NUSAP1: variants seen among roughly 807,000 people sequenced by gnomAD.
The protein encoded by NUSAP1 is nucleolar and spindle-associated protein 1.
Under a neutral mutation model 52.8 loss-of-function variants are expected in NUSAP1, and 32 were observed. That is an observed-to-expected ratio of 0.61 (90% CI 0.46 to 0.81). The LOEUF (loss-of-function observed/expected upper bound fraction) is 0.81. Among genes scored for constraint, NUSAP1 ranks in the 40% least tolerant of loss-of-function variants. The pLI is 0.00. For synonymous variants in NUSAP1, 195 were observed against 183.1 expected (o/e 1.06, Z -0.52); for missense variants, 499 against 522.3 (o/e 0.96, Z 0.43).
chr15:41,335,934 A>C (rs2048110626), intron 1 of NUSAP1, among the ~76,000 whole-genome samples: 1 of 150,556 alleles, frequency 6.6e-6, no homozygotes, highest in Admixed American at 6.6e-5. Context: ...TTTTAATCAA[A>C]TCTTGATAAT....
In NUSAP1 at chr15:41,375,699, G is replaced by T. The variant is rs758101452; in HGVS notation, c.1007-13G>T. On this transcript the variant is annotated splice_polypyrimidine_tract_variant and intron_variant, in intron 8 of 10. Transcript: ENST00000559596. ...TCTAATTAAGCTCTTGGGTTTTTTC[G>T]GTGTGTTTTTAGTTATTACCCCATT... 1.3e-6 allele frequency: 2 copies of T among 1,528,902 alleles called. No individual in the cohort carries two copies. Among genetic ancestry groups the T allele is most frequent in the East Asian group, 2.2e-5 (1 of 44,456 alleles). The allele number at this position is 1,528,902 out of a possible 1,614,324, so 94.7% of individuals were successfully genotyped here. A position where few individuals can be genotyped will look rare whatever the true frequency, so the allele number is the denominator to read the frequency against.
chr15:41,351,379 C>T (rs904332492), intron 4 of NUSAP1, among the ~76,000 whole-genome samples: 3 of 152,146 alleles, frequency 2.0e-5, no homozygotes. Flanking sequence ...TGGCTGTCGA[C>T]GCTTGGTGTT....
rs147240503 is a variant in NUSAP1, at chr15:41,350,471, C to A, written c.307-517C>A. On this transcript the variant is annotated intron_variant, in intron 3 of 10. Transcript: ENST00000559596. ...TATTTCTCTTTTTTTTTTCTTTCAA[C>A]CTTGCTCTGGAACCAGGGGTCGGGG... Among the ~76,000 whole-genome samples, 250 of 151,450 alleles carry A rather than the reference C, an allele frequency of 1.7e-3. 1 individual carries two copies. Among genetic ancestry groups the A allele is most frequent in the Middle Eastern group, 0.01 (3 of 294 alleles).
Position 41,376,903 on chromosome 15 carries a change from C to T in NUSAP1, c.1124-293C>T, listed in dbSNP as rs148827198. On this transcript the variant is annotated intron_variant, in intron 9 of 10. Transcript: ENST00000559596. Reference sequence around the variant, plus strand: ...CAGCATGGGCAACATGATGAAACCCCGTCTCTACTAAAAAATACAAAAATT... The same window carrying T: ...CAGCATGGGCAACATGATGAAACCCTGTCTCTACTAAAAAATACAAAAATT... Among the ~76,000 whole-genome samples the T allele has an allele frequency of 3.7e-3, 567 of 151,616 alleles. 5 individuals are homozygous for T. Among genetic ancestry groups the T allele is most frequent in the South Asian group, 0.028 (135 of 4,794 alleles).
intron 10 of NUSAP1, among the ~76,000 whole-genome samples, chr15:41,377,648 G>A (rs1413302829): frequency 6.7e-6 from 1 of 148,292 alleles, no homozygotes; most frequent in Non-Finnish European, 1.5e-5. Context: ...GCAGTGAGCC[G>A]AGATCGCGCC....
At chr15:41,351,681 G>A (rs763988175) in intron 4 of NUSAP1, among the ~76,000 whole-genome samples, 4 of 152,138 alleles carry the variant, frequency 2.6e-5, no homozygotes, top group Non-Finnish European at 5.9e-5. Context: ...CAGCTACTCA[G>A]GAGGCTGAGG....
At chr15:41,369,475 C>T (rs1264985348) in intron 7 of NUSAP1, among the ~76,000 whole-genome samples, 1 of 151,688 alleles carries the variant, frequency 6.6e-6, no homozygotes, top group East Asian at 1.9e-4. Flanking sequence ...ATGGTGAAAC[C>T]TCGTCTGTAC....
intron 4 of NUSAP1, 147 bp from the exon 5 acceptor site, chr15:41,355,892 A>G (rs2048949644): frequency 1.8e-6 from 1 of 552,178 alleles, no homozygotes; most frequent in Admixed American, 3.1e-5. Flanking sequence ...ATAAGCCAGG[A>G]TGGTCTTGAT....
At chr15:41,369,230 T>A (rs1377505686) in intron 7 of NUSAP1, among the ~76,000 whole-genome samples, 1 of 150,638 alleles carries the variant, frequency 6.6e-6, no homozygotes, top group Non-Finnish European at 1.5e-5. Context: ...TTTAATCAGA[T>A]TTTTTTTTTC....
chr15:41,359,353 T>G (rs2049084141), intron 6 of NUSAP1, among the ~76,000 whole-genome samples: 1 of 152,182 alleles, frequency 6.6e-6, no homozygotes, highest in South Asian at 2.1e-4. Context: ...TTAAGGCCTA[T>G]TCTCAAAATA....
chr15:41,345,271 A>C (rs2048521853), intron 2 of NUSAP1, among the ~76,000 whole-genome samples: 1 of 152,026 alleles, frequency 6.6e-6, no homozygotes, highest in Admixed American at 6.6e-5. Context: ...AAGTGCTGGG[A>C]TTACAGACGC....
chr15:41,338,142 C>T (rs890745141), intron 1 of NUSAP1, among the ~76,000 whole-genome samples: 2 of 151,850 alleles, frequency 1.3e-5, no homozygotes, highest in Non-Finnish European at 1.5e-5. Context: ...ACCATGTTGG[C>T]CTGGCTGGTT....
intron 5 of NUSAP1, 70 bp from the exon 6 acceptor site, chr15:41,358,079 C>T: frequency 3.0e-6 from 2 of 676,070 alleles, no homozygotes; most frequent in South Asian, 2.1e-5. Context: ...TAAGTGTTAA[C>T]AGAAAAACAC....
At chr15:41,378,092 G>A (rs2140882462) in intron 10 of NUSAP1, among the ~76,000 whole-genome samples, 1 of 152,314 alleles carries the variant, frequency 6.6e-6, no homozygotes, top group African/African-American at 2.4e-5. Flanking sequence ...TGAGGCCCAA[G>A]CACCTGCATT....
intron 9 of NUSAP1, among the ~76,000 whole-genome samples, chr15:41,376,934 G>T (rs2049963069): frequency 6.6e-6 from 1 of 151,862 alleles, no homozygotes. Flanking sequence ...AAATTACCCG[G>T]GCATGGTGGC....
chr15:41,347,773 C>T (rs959017616), intron 2 of NUSAP1, among the ~76,000 whole-genome samples: 2 of 150,328 alleles, frequency 1.3e-5, no homozygotes, highest in African/African-American at 4.9e-5. Context: ...AAGATCATGC[C>T]ACTGCACTCC....
intron 7 of NUSAP1, among the ~76,000 whole-genome samples, chr15:41,370,971 C>T (rs917135270): frequency 6.6e-6 from 1 of 152,118 alleles, no homozygotes; most frequent in Non-Finnish European, 1.5e-5. Flanking sequence ...ATTGTAAAAA[C>T]ACATCCCAAT....
In NUSAP1 at chr15:41,351,032, G is replaced by A. The variant is rs375966047; in HGVS notation, c.351G>A (p.Gln117=). ...AAATAAGTAATCCCACTGAATTCCA[G>A]AATCATGAAAAGCAGGAAAGCCAGG... The part of the protein sequence containing the change: ...EIKISNPTEF[Q]NHEKQESQDL... The change falls in exon 4 of 11, where the codon CAG becomes CAA. Residue 117 remains glutamine, a synonymous_variant. Transcript: ENST00000559596. 2 of 1,613,318 alleles carry A rather than the reference G, an allele frequency of 1.2e-6. No individual in the cohort carries two copies. The highest frequency in any genetic ancestry group is 2.2e-5 in the South Asian group (2 of 90,974).
intron 2 of NUSAP1, among the ~76,000 whole-genome samples, chr15:41,348,405 A>G (rs553520368): frequency 5.9e-4 from 90 of 151,998 alleles, no homozygotes; most frequent in Non-Finnish European, 1.2e-3. Context: ...TTTTAAGTAG[A>G]GATGGGGTTT....
Sources: allele counts gnomAD v4.1 joint callset (sites outside exome capture counted in the v4.1 genomes callset), GRCh38; gene constraint gnomAD v4.1.1; transcripts MANE v1.5; gene names NCBI Gene and HGNC (gene_info 2026-07-23, HGNC 2026-07-21).